Variants in MTIF2 observed in about 807,000 individuals in gnomAD.
MTIF2 encodes mitochondrial translational initiation factor 2.
MTIF2 carries 71 observed loss-of-function variants against 83.5 expected under a neutral mutation model. The observed-to-expected ratio is 0.85, with a 90% CI of 0.70 to 1.04. MTIF2 has a LOEUF of 1.04. Among genes scored for constraint, MTIF2 ranks in the 50% least tolerant of loss-of-function variants. MTIF2 has a pLI of 0.00. For missense variants in MTIF2, 957 were observed against 846.5 expected, an observed-to-expected ratio of 1.13 and a Z score of -1.62; for synonymous variants, 319 against 287.1, an observed-to-expected ratio of 1.11 and a Z score of -1.12.
rs1200485929 is a variant in MTIF2, at chr2:55,267,621, T to A, written c.-60A>T. On this transcript the variant is annotated 5_prime_UTR_variant, in exon 3 of 16. Coordinates refer to ENST00000263629, the MANE Select transcript of MTIF2 (RefSeq NM_002453.3). ...GCAAGTCACTTGTTTCCTATGGGCC[T>A]CATTTTCCGGATCTCTGTTAAAAAT... The A allele has an allele frequency of 1.2e-5, 2 of 166,174 alleles. No homozygotes were observed. The highest frequency in any genetic ancestry group is 2.9e-5 in the Non-Finnish European group (2 of 68,138). The allele number at this position is 166,174 out of a possible 1,614,324, so 10.3% of individuals were successfully genotyped here.
chr2:55,241,417 CAAA>C (rs71410490), intron 13 of MTIF2, among the ~76,000 whole-genome samples: 2 of 80,584 alleles, frequency 2.5e-5, no homozygotes, highest in East Asian at 7.7e-4. Context: ...GACTCTGTCT[CAAA>C]AAAAAAAAAA....
intron 5 of MTIF2, among the ~76,000 whole-genome samples, chr2:55,258,611 A>C (rs1218692433): frequency 1.3e-5 from 2 of 152,160 alleles, no homozygotes; most frequent in African/African-American, 4.8e-5. Context: ...CAGGAGTTTG[A>C]GACCAGCCAG....
chr2:55,261,140 C>G (rs937823720), intron 5 of MTIF2, among the ~76,000 whole-genome samples: 1 of 152,016 alleles, frequency 6.6e-6, no homozygotes, highest in Non-Finnish European at 1.5e-5. Context: ...GCGCCCGCCA[C>G]TAGGCCCAGC....
At chr2:55,244,341 A>C (rs1411142285) in intron 10 of MTIF2, 108 bp from the exon 11 acceptor site, 17 of 828,198 alleles carry the variant, frequency 2.1e-5, no homozygotes, top group Middle Eastern at 3.4e-4. Flanking sequence ...CACAAGATTA[A>C]TTCCACCACT....
At chr2:55,247,855 T>C (rs1432359643) in intron 9 of MTIF2, among the ~76,000 whole-genome samples, 2 of 152,094 alleles carry the variant, frequency 1.3e-5, no homozygotes, top group Admixed American at 6.6e-5. Context: ...ACTCATCTGA[T>C]GGTATCTGGC....
chr2:55,245,536 A>C (rs1301703098), intron 10 of MTIF2, among the ~76,000 whole-genome samples: 1 of 152,154 alleles, frequency 6.6e-6, no homozygotes, highest in Admixed American at 6.6e-5. Flanking sequence ...AAAAGAAAGA[A>C]AGAAATAAAG....
chr2:55,263,743 G>A lies in MTIF2; in HGVS notation c.116C>T (p.Ser39Phe). Residue 39 changes from serine to phenylalanine, a missense_variant, in exon 4 of 16, where the codon TCT becomes TTT. Ser to Phe is a radical substitution (Grantham distance 155). Coordinates refer to ENST00000263629, the MANE Select transcript of MTIF2 (RefSeq NM_002453.3). The part of the protein sequence containing the change: ...ALRQWRHGFS[S>F]AYPVWTAQLC... ...TTGAGCTGTCCACACAGGGTAAGCA[G>A]ATGAAAACCCATGCCTCCACTGTCT... 2.5e-6 allele frequency: 4 copies of A among 1,614,164 alleles called. No individual in the cohort carries two copies. The highest frequency in any genetic ancestry group is 3.4e-6 in the Non-Finnish European group (4 of 1,180,024).
intron 3 of MTIF2, 68 bp from the exon 4 acceptor site, chr2:55,263,933 C>G: frequency 8.5e-7 from 1 of 1,182,714 alleles, no homozygotes; most frequent in African/African-American, 1.5e-5. Flanking sequence ...TGGATATTTA[C>G]TATATGCATA....
chr2:55,250,325 C>T (rs945380905), intron 8 of MTIF2, among the ~76,000 whole-genome samples: 1 of 151,570 alleles, frequency 6.6e-6, no homozygotes, highest in Non-Finnish European at 1.5e-5. Flanking sequence ...AGTTCAAACC[C>T]GTGATGTTCA....
chr2:55,253,932 G>A, intron 7 of MTIF2, 109 bp downstream of exon 7: 1 of 1,189,156 alleles, frequency 8.4e-7, no homozygotes. Context: ...ATGACTGCAA[G>A]CTTTAGCCTT....
In MTIF2 at chr2:55,236,707, T is replaced by TTCTG; in HGVS notation, c.2121_2124dup (p.Ile709GlnfsTer6). The TTCTG allele has an allele frequency of 6.2e-7, 1 of 1,608,504 alleles. No homozygotes were observed. Among genetic ancestry groups the TTCTG allele is most frequent in the Non-Finnish European group, 8.5e-7 (1 of 1,178,602 alleles). On this transcript the variant is annotated frameshift_variant, in exon 16 of 16. Transcript: ENST00000263629. LOFTEE classifies it high-confidence loss of function. ...ATTTGCTTTTCTTCATAACAAACAA[T>TTCTG]TCTGTCTCCCACTTGAAATTCCATA...
chr2:55,259,077 C>G (rs1677763670), intron 5 of MTIF2, among the ~76,000 whole-genome samples: 1 of 152,102 alleles, frequency 6.6e-6, no homozygotes, highest in South Asian at 2.1e-4. Flanking sequence ...TGAGAGGTAG[C>G]TTACACAGAG....
intron 5 of MTIF2, among the ~76,000 whole-genome samples, chr2:55,257,625 T>C (rs772596281): frequency 1.3e-5 from 2 of 152,358 alleles, no homozygotes; most frequent in African/African-American, 2.4e-5. Flanking sequence ...CCAATTTCCA[T>C]GGTGCAAATA....
At chr2:55,250,954 A>G (rs1573882759) in intron 8 of MTIF2, among the ~76,000 whole-genome samples, 1 of 151,990 alleles carries the variant, frequency 6.6e-6, no homozygotes, top group East Asian at 1.9e-4. Flanking sequence ...TACTAAAAAT[A>G]CAAAAATTAG....
At chr2:55,262,543 T>C in intron 4 of MTIF2, 116 bp from the exon 5 acceptor site, 18 of 373,520 alleles carry the variant, frequency 4.8e-5, no homozygotes, top group African/African-American at 4.1e-4. Context: ...TTTTTTTTCT[T>C]TTTTTTTTTT....
Position 55,252,461 on chromosome 2 carries a change from G to T in MTIF2, c.841+16C>A, listed in dbSNP as rs1288830049. 1 of 1,607,806 alleles carries T rather than the reference G, an allele frequency of 6.2e-7. No individual in the cohort carries two copies. Among genetic ancestry groups the T allele is most frequent in the South Asian group, 1.1e-5 (1 of 90,586 alleles). ...TGACTTTATGTAGTAGATCCATTAA[G>T]TCAGCCACACAGTACCCTGTGCATC... is the stretch of plus-strand genomic sequence containing the variant. On this transcript the variant is annotated intron_variant, in intron 8 of 15. Transcript: ENST00000263629.
At chr2:55,250,834 G>A (rs768398708) in intron 8 of MTIF2, among the ~76,000 whole-genome samples, 39 of 152,104 alleles carry the variant, frequency 2.6e-4, no homozygotes, top group Non-Finnish European at 5.0e-4. Context: ...AGTACATTCT[G>A]GCCGGGCACG....
At chr2:55,266,678 T>C (rs906229834) in intron 3 of MTIF2, among the ~76,000 whole-genome samples, 5 of 149,412 alleles carry the variant, frequency 3.3e-5, no homozygotes, top group African/African-American at 7.3e-5. Context: ...CAAATGATAA[T>C]AGTTATTTGA....
chr2:55,263,363 T>C (rs1678180522), intron 4 of MTIF2, among the ~76,000 whole-genome samples: 1 of 152,224 alleles, frequency 6.6e-6, no homozygotes, highest in South Asian at 2.1e-4. Flanking sequence ...TAATAAATAT[T>C]CTGTAAATGA....
Sources: gnomAD v4.1 joint callset for allele counts (sites outside exome capture counted in the v4.1 genomes callset) on GRCh38, gnomAD v4.1.1 for gene constraint, MANE v1.5 for transcripts, NCBI Gene and HGNC (gene_info 2026-07-23, HGNC 2026-07-21) for gene names.